The following KIF13A variants were observed in gnomAD, a reference collection of about 807,000 sequenced individuals.
The protein encoded by KIF13A is kinesin-like protein KIF13A.
In KIF13A, 79 loss-of-function variants were observed where a neutral mutation model predicts 212.2. The observed-to-expected ratio is 0.37, with a 90% confidence interval of 0.31 to 0.45. The LOEUF (loss-of-function observed/expected upper bound fraction) is 0.45. Ranked by LOEUF, KIF13A falls within the 20% of genes least tolerant of loss-of-function variation. The pLI is 1.00. For missense variants in KIF13A, 1,901 were observed against 2,209.0 expected, an observed-to-expected ratio of 0.86 and a Z score of 2.79; for synonymous variants, 789 against 808.6, an observed-to-expected ratio of 0.98 and a Z score of 0.41.
chr6:17,800,485 G>T (rs1438146718), intron 20 of KIF13A, among the ~76,000 whole-genome samples: 1 of 151,734 alleles, frequency 6.6e-6, no homozygotes, highest in East Asian at 1.9e-4. Context: ...CATCCAGGCT[G>T]GAGTGCAGTG....
intron 2 of KIF13A, among the ~76,000 whole-genome samples, chr6:17,946,003 A>C (rs1777361860): frequency 6.6e-6 from 1 of 152,246 alleles, no homozygotes; most frequent in Admixed American, 6.5e-5. Context: ...ATACTGTTTA[A>C]AAAAATAAAT....
chr6:17,808,036 A>G (rs1763122306), intron 18 of KIF13A, among the ~76,000 whole-genome samples: 1 of 152,212 alleles, frequency 6.6e-6, no homozygotes, highest in Non-Finnish European at 1.5e-5. Context: ...AGAGCCGTGT[A>G]TTTGAAGTCA....
chr6:17,809,897 T>C lies in KIF13A; in HGVS notation c.2001-967A>G, dbSNP rs1401279641. 6.6e-6 allele frequency among the ~76,000 whole-genome samples: 1 copy of C among 152,220 alleles called. No homozygotes were observed. The highest frequency in any genetic ancestry group is 6.5e-5 in the Admixed American group (1 of 15,280). ...CTTAGAAATGACAGAAGACGCATGC[T>C]GTGCGGATGCTAAGGTAAACAAAAC... On this transcript the variant is annotated intron_variant, in intron 17 of 38. Coordinates refer to ENST00000259711, the MANE Select transcript of KIF13A (RefSeq NM_022113.6). The surrounding 1 kb of genome is among the most constrained non-coding windows in gnomAD (Gnocchi z 4.7).
chr6:17,807,906 C>T (rs112718497), intron 18 of KIF13A, among the ~76,000 whole-genome samples: 6 of 152,282 alleles, frequency 3.9e-5, no homozygotes, highest in East Asian at 1.9e-4. Flanking sequence ...ATATTGTGGG[C>T]GGGTTCCCCT....
chr6:17,974,471 A>G (rs949419820), intron 2 of KIF13A, among the ~76,000 whole-genome samples: 1 of 152,224 alleles, frequency 6.6e-6, no homozygotes, highest in Non-Finnish European at 1.5e-5. Context: ...TTGGGCATTC[A>G]ACCTGGTCAA....
At chr6:17,937,910 G>A (rs143568371) in intron 2 of KIF13A, among the ~76,000 whole-genome samples, 3 of 152,100 alleles carry the variant, frequency 2.0e-5, no homozygotes, top group African/African-American at 4.8e-5. Context: ...CACCACGCCC[G>A]GTTGAGTTTT....
At position 17,838,591 on chromosome 6, in the gene KIF13A, C is replaced by G. The variant is rs954292372; in HGVS notation, c.831-1008G>C. On this transcript the variant is annotated intron_variant, in intron 9 of 38. Transcript: ENST00000259711. The surrounding 1 kb of genome is among the most constrained non-coding windows in gnomAD (Gnocchi z 4.2). The stretch of plus-strand genomic sequence containing the variant: ...AGAATTTTAATAACAGCCATTACCA[C>G]AGAGTGGCATAAATATGTACATCAT... Among the ~76,000 whole-genome samples the G allele has an allele frequency of 2.6e-5, 4 of 152,108 alleles. No homozygotes were observed. The highest frequency in any genetic ancestry group is 5.9e-5 in the Non-Finnish European group (4 of 68,036).
chr6:17,856,219 TA>T lies in KIF13A; in HGVS notation c.221-98del, dbSNP rs1353279609. The T allele has an allele frequency of 1.2e-6, 1 of 868,202 alleles. No homozygotes were observed. Among genetic ancestry groups the T allele is most frequent in the Non-Finnish European group, 1.8e-6 (1 of 547,350 alleles). 53.8% of individuals were successfully genotyped at this position (868,202 alleles called of 1,614,324 possible). ...ATATTATGTCAATTCAAAAAAATGT[TA>T]AAAGTGTAGTACCGAGTGCCCACTA... On this transcript the variant is annotated intron_variant, in intron 4 of 38. Coordinates refer to ENST00000259711, the MANE Select transcript of KIF13A (RefSeq NM_022113.6). This position sits in a 1 kb window ranked among gnomAD's most constrained non-coding sequence, Gnocchi z 4.5.
intron 11 of KIF13A, among the ~76,000 whole-genome samples, chr6:17,835,195 CAAAAAAAAAAAAAAAAAAAAA>C (rs61697144): frequency 0.14 from 6,467 of 45,694 alleles, 129 homozygotes; most frequent in South Asian, 0.22. Flanking sequence ...CCGCCCCCGC[CAAAAAAAAAAAAAAAAAAAAA>C]AAAAAAAAAA....
At chr6:17,938,056 A>T (rs115266499) in intron 2 of KIF13A, among the ~76,000 whole-genome samples, 2,948 of 69,892 alleles carry the variant, frequency 0.042, 42 homozygotes, top group Non-Finnish European at 0.059. Context: ...CCCTAATTAC[A>T]TAATTTTAAA....
intron 3 of KIF13A, among the ~76,000 whole-genome samples, chr6:17,885,190 C>T (rs1771434471): frequency 6.6e-6 from 1 of 152,134 alleles, no homozygotes; most frequent in Admixed American, 6.5e-5. Flanking sequence ...AACCCCAGCA[C>T]CAAGAGCCTG....
At position 17,828,260 on chromosome 6, in the gene KIF13A, G is replaced by C; in HGVS notation, c.1512C>G (p.Leu504=). ...CTTACCTTGCATTTTCTTTTGGAGT[G>C]AGAGTGACGTCTCCATCAGATGCAA... ...IDIASDGDVT[L]TPKENARSCV... is the part of the protein sequence containing the mutation. The change falls in exon 14 of 39, where the codon CTC becomes CTG. Residue 504 remains leucine, a synonymous_variant. Transcript: ENST00000259711. This position sits in a 1 kb window ranked among gnomAD's most constrained non-coding sequence, Gnocchi z 4.3. 6.2e-7 allele frequency: 1 copy of C among 1,610,020 alleles called. No individual in the cohort carries two copies. Among genetic ancestry groups the C allele is most frequent in the South Asian group, 1.1e-5 (1 of 90,178 alleles).
intron 38 of KIF13A, among the ~76,000 whole-genome samples, chr6:17,766,143 T>C (rs1157257197): frequency 6.6e-6 from 1 of 152,222 alleles, no homozygotes; most frequent in African/African-American, 2.4e-5. Flanking sequence ...ACTAGGTGCA[T>C]GTAAAGACCT....
At chr6:17,832,513 C>T (rs1025384506) in intron 12 of KIF13A, among the ~76,000 whole-genome samples, 1 of 151,942 alleles carries the variant, frequency 6.6e-6, no homozygotes, top group African/African-American at 2.4e-5. Flanking sequence ...TGGCACACAC[C>T]TATAGTCCTA....
chr6:17,922,184 A>G (rs1775134372), intron 2 of KIF13A, among the ~76,000 whole-genome samples: 1 of 152,176 alleles, frequency 6.6e-6, no homozygotes. Flanking sequence ...GTCAACAGCT[A>G]ACAGCCCCTG....
intron 2 of KIF13A, among the ~76,000 whole-genome samples, 175 bp downstream of exon 2, chr6:17,986,879 A>T (rs1434600013): frequency 6.6e-6 from 1 of 152,176 alleles, no homozygotes; most frequent in African/African-American, 2.4e-5. Context: ...ATGGAGGAGA[A>T]GGGGGGCGAG....
chr6:17,868,402 C>T (rs1769628761), intron 4 of KIF13A, among the ~76,000 whole-genome samples: 2 of 152,142 alleles, frequency 1.3e-5, no homozygotes, highest in South Asian at 2.1e-4. Context: ...AGACTGCTTT[C>T]AAGTTTATCA....
intron 2 of KIF13A, among the ~76,000 whole-genome samples, chr6:17,976,778 G>A (rs1780551740): frequency 6.6e-6 from 1 of 150,430 alleles, no homozygotes; most frequent in Non-Finnish European, 1.5e-5. Flanking sequence ...CTCTATCCTG[G>A]GCAACAGAGC....
intron 14 of KIF13A, among the ~76,000 whole-genome samples, chr6:17,827,689 C>T (rs60599573): frequency 0.25 from 38,629 of 151,514 alleles, 5,295 homozygotes; most frequent in South Asian, 0.38. Flanking sequence ...GGCTAATTTT[C>T]TTATTTATTT....
Sources: allele counts gnomAD v4.1 joint callset (sites outside exome capture counted in the v4.1 genomes callset), GRCh38; gene constraint gnomAD v4.1.1; non-coding constraint Gnocchi (gnomAD v3.1); transcripts MANE v1.5; gene names NCBI Gene and HGNC (gene_info 2026-07-23, HGNC 2026-07-21).